The following TOX variants were observed in gnomAD, a reference collection of about 807,000 sequenced individuals.
The protein encoded by TOX is thymocyte selection associated high mobility group box.
TOX carries 11 observed loss-of-function variants against 53.7 expected under a neutral mutation model. The observed-to-expected ratio is 0.20, with a 90% CI of 0.13 to 0.34. The LOEUF is 0.34. Among genes scored for constraint, TOX ranks in the 10% least tolerant of loss-of-function variants. The pLI is 1.00. For missense variants in TOX, 570 were observed against 664.6 expected (o/e 0.86, Z 1.56); for synonymous variants, 225 against 245.3 (o/e 0.92, Z 0.77).
intron 1 of TOX, among the ~76,000 whole-genome samples, chr8:59,087,744 C>G (rs558667197): frequency 2.0e-5 from 3 of 152,288 alleles, no homozygotes; most frequent in African/African-American, 7.2e-5. Context: ...AACCCACCCC[C>G]CTTTCCTCTC....
intron 1 of TOX, among the ~76,000 whole-genome samples, chr8:58,988,497 CTGAGCTAAGTCA>C (rs1813378120): frequency 6.6e-6 from 1 of 152,180 alleles, no homozygotes; most frequent in African/African-American, 2.4e-5. Context: ...ATGCCAACCC[CTGAGCTAAGTCA>C]TGATGAAACT....
chr8:59,063,289 T>C lies in TOX; in HGVS notation c.102+55597A>G, dbSNP rs552349563. Reference sequence around the variant, plus strand: ...AGACAGGTAAATGTTTCAAACATTATAGGTTAAGAGCTAATGACTGCTTAT... The same window carrying C: ...AGACAGGTAAATGTTTCAAACATTACAGGTTAAGAGCTAATGACTGCTTAT... On this transcript the variant is annotated intron_variant, in intron 1 of 8. Coordinates refer to ENST00000361421, the MANE Select transcript of TOX (RefSeq NM_014729.3). 2.6e-5 allele frequency among the ~76,000 whole-genome samples: 4 copies of C among 152,290 alleles called. No individual in the cohort carries two copies. In the South Asian group the frequency reaches 6.2e-4, roughly 24 times the overall value.
At chr8:58,899,137 C>G (rs1330912135) in intron 3 of TOX, among the ~76,000 whole-genome samples, 1 of 152,178 alleles carries the variant, frequency 6.6e-6, no homozygotes, top group Non-Finnish European at 1.5e-5. Context: ...CGATCATGTA[C>G]ATGAAAGTTC....
intron 1 of TOX, among the ~76,000 whole-genome samples, chr8:58,960,714 G>A (rs552724904): frequency 6.6e-6 from 1 of 152,196 alleles, no homozygotes; most frequent in African/African-American, 2.4e-5. Flanking sequence ...AAAGAAATTC[G>A]CAGGGGCAGC....
chr8:58,866,257 G>C (rs1413417888), intron 3 of TOX, among the ~76,000 whole-genome samples: 1 of 152,074 alleles, frequency 6.6e-6, no homozygotes, highest in Non-Finnish European at 1.5e-5. Flanking sequence ...AGTTATACAG[G>C]GATTGCTGGA....
At chr8:58,912,468 T>C (rs1295368567) in intron 3 of TOX, among the ~76,000 whole-genome samples, 3 of 152,226 alleles carry the variant, frequency 2.0e-5, no homozygotes, top group Non-Finnish European at 4.4e-5. Context: ...AAATTTTCTT[T>C]TTTCCATCTG....
At chr8:58,850,532 T>C (rs1309895327) in intron 4 of TOX, among the ~76,000 whole-genome samples, 4 of 152,272 alleles carry the variant, frequency 2.6e-5, no homozygotes, top group Non-Finnish European at 4.4e-5. Context: ...GTAGAGGGAA[T>C]ACTGGCTTCA....
chr8:59,078,697 G>T (rs1481250782), intron 1 of TOX, among the ~76,000 whole-genome samples: 1 of 152,198 alleles, frequency 6.6e-6, no homozygotes, highest in African/African-American at 2.4e-5. Context: ...GTACCTAGGA[G>T]TGGGGCTTTG....
chr8:58,912,641 A>T (rs999731708), intron 3 of TOX, among the ~76,000 whole-genome samples: 1 of 152,216 alleles, frequency 6.6e-6, no homozygotes, highest in African/African-American at 2.4e-5. Context: ...AAGTTTCCAC[A>T]TGATGCTGAT....
At chr8:58,978,885 A>G (rs78834070) in intron 1 of TOX, among the ~76,000 whole-genome samples, 2 of 152,172 alleles carry the variant, frequency 1.3e-5, no homozygotes, top group Non-Finnish European at 2.9e-5. Flanking sequence ...TTAATTTTTT[A>G]AAGTATTTTT....
chr8:58,952,977 C>A (rs570209224), intron 2 of TOX, among the ~76,000 whole-genome samples: 1 of 152,032 alleles, frequency 6.6e-6, no homozygotes, highest in South Asian at 2.1e-4. Flanking sequence ...ATAGCTCATC[C>A]GCTGGCGAGG....
chr8:58,900,990 A>G (rs760451723), intron 3 of TOX, among the ~76,000 whole-genome samples: 6 of 152,128 alleles, frequency 3.9e-5, no homozygotes, highest in Non-Finnish European at 5.9e-5. Flanking sequence ...CCACTATTTT[A>G]ACCCTATACC....
intron 1 of TOX, among the ~76,000 whole-genome samples, chr8:59,111,217 C>T (rs1008521922): frequency 3.9e-5 from 6 of 152,052 alleles, no homozygotes; most frequent in East Asian, 1.9e-4. Context: ...ATAGACTTAA[C>T]GGCACTTGGT....
chr8:58,932,403 C>T (rs1812271102), intron 3 of TOX, among the ~76,000 whole-genome samples: 2 of 151,756 alleles, frequency 1.3e-5, no homozygotes, highest in Non-Finnish European at 2.9e-5. Context: ...GGCTTATTTT[C>T]CTCTTTGTTT....
intron 1 of TOX, among the ~76,000 whole-genome samples, chr8:59,055,183 G>A (rs1262905871): frequency 2.0e-5 from 3 of 152,116 alleles, no homozygotes; most frequent in Non-Finnish European, 4.4e-5. Flanking sequence ...AGCTTGCTGT[G>A]ATATCAAAGG....
chr8:59,098,398 A>AT (rs1377210588), intron 1 of TOX, among the ~76,000 whole-genome samples: 1 of 151,650 alleles, frequency 6.6e-6, no homozygotes, highest in African/African-American at 2.4e-5. Context: ...TTCTCTCTGC[A>AT]TTTTTTGGTT....
chr8:58,889,212 C>A (rs1309845867), intron 3 of TOX, among the ~76,000 whole-genome samples: 105 of 114,412 alleles, frequency 9.2e-4, no homozygotes, highest in South Asian at 1.8e-3. Context: ...TTTACAATAG[C>A]AAAAAAAAAA....
intron 3 of TOX, among the ~76,000 whole-genome samples, chr8:58,888,368 A>G (rs1178034968): frequency 6.6e-6 from 1 of 152,132 alleles, no homozygotes; most frequent in Non-Finnish European, 1.5e-5. Flanking sequence ...AAGATATATA[A>G]GAAAACTTAC....
At chr8:58,884,004 T>C (rs948739637) in intron 3 of TOX, among the ~76,000 whole-genome samples, 3 of 152,224 alleles carry the variant, frequency 2.0e-5, no homozygotes, top group Admixed American at 2.0e-4. Flanking sequence ...TGTCTGACAC[T>C]GAACATTAAA....
Sources: allele counts gnomAD v4.1 joint callset (sites outside exome capture counted in the v4.1 genomes callset), GRCh38; gene constraint gnomAD v4.1.1; transcripts MANE v1.5; gene names NCBI Gene and HGNC (gene_info 2026-07-23, HGNC 2026-07-21).